The following PTPN9 variants were observed in gnomAD, a reference collection of about 807,000 sequenced individuals.
PTPN9 encodes the protein tyrosine-protein phosphatase non-receptor type 9.
Under a neutral mutation model 69.8 loss-of-function variants are expected in PTPN9, and 26 were observed. That is an observed-to-expected ratio of 0.37 (90% CI 0.27 to 0.52). The LOEUF is 0.52. PTPN9 is among the 20% of genes least tolerant of loss of function. The probability of loss-of-function intolerance (pLI) is 0.91; values close to 1 mark genes in which losing one functional copy is unlikely to be tolerated. For synonymous variants in PTPN9, 274 were observed against 272.5 expected, an observed-to-expected ratio of 1.01 and a Z score of -0.05; for missense variants, 549 against 740.3, an observed-to-expected ratio of 0.74 and a Z score of 3.00.
At chr15:75,547,930 T>G (rs958277620) in intron 1 of PTPN9, among the ~76,000 whole-genome samples, 1 of 152,024 alleles carries the variant, frequency 6.6e-6, no homozygotes, top group African/African-American at 2.4e-5. Context: ...CCTCCCAAAG[T>G]GCTGGGATTA....
chr15:75,491,196 G>A (rs1378808777), intron 7 of PTPN9, among the ~76,000 whole-genome samples: 2 of 151,850 alleles, frequency 1.3e-5, no homozygotes, highest in African/African-American at 2.4e-5. Context: ...TGGGGTCAGG[G>A]GTTCAAGACC....
intron 7 of PTPN9, among the ~76,000 whole-genome samples, chr15:75,495,718 CAACAA>C (rs1272122645): frequency 6.6e-6 from 1 of 151,092 alleles, no homozygotes; most frequent in African/African-American, 2.4e-5. Flanking sequence ...ACAACCACAA[CAACAA>C]AACAAAACAA....
intron 7 of PTPN9, among the ~76,000 whole-genome samples, chr15:75,505,070 G>A (rs2074810789): frequency 6.6e-6 from 1 of 152,230 alleles, no homozygotes; most frequent in Non-Finnish European, 1.5e-5. Context: ...CCGTGTCTGT[G>A]TAGAAAGTAG....
intron 5 of PTPN9, among the ~76,000 whole-genome samples, chr15:75,515,755 G>A (rs539452754): frequency 3.2e-4 from 48 of 152,066 alleles, no homozygotes; most frequent in African/African-American, 9.6e-4. Flanking sequence ...AAAATTGGCC[G>A]GGCGGGGTGG....
chr15:75,470,759 C>G lies in PTPN9; in HGVS notation c.1280G>C (p.Gly427Ala). ...GCCTAGATTGGTCACTGTGAGGAAG[C>G]CAAATCGGATCCGAGAGTCTTTTTC... ...PLEKDSRIRF[G>A]FLTVTNLGVE... Residue 427 changes from glycine to alanine, a missense_variant, in exon 11 of 13, where the codon GGC (glycine) becomes GCC (alanine). Physicochemically the swap from Gly to Ala is moderately conservative, Grantham distance 60. Around this residue, in one of 3 missense-constraint regions of PTPN9, gnomAD observed 457 missense variants for 661.9 expected, o/e 0.69. Transcript: ENST00000618819. 1 of 1,614,220 alleles carries G rather than the reference C, an allele frequency of 6.2e-7. No homozygotes were observed. Among genetic ancestry groups the G allele is most frequent in the South Asian group, 1.1e-5 (1 of 91,090 alleles).
At chr15:75,517,136 G>T (rs1251304324) in intron 5 of PTPN9, 123 bp downstream of exon 5, 2 of 618,134 alleles carry the variant, frequency 3.2e-6, no homozygotes, top group Non-Finnish European at 5.4e-6. Context: ...ATTTACAGAT[G>T]ACCTTTACAT....
chr15:75,494,372 G>A (rs2074728163), intron 7 of PTPN9, among the ~76,000 whole-genome samples: 1 of 151,496 alleles, frequency 6.6e-6, no homozygotes, highest in Non-Finnish European at 1.5e-5. Flanking sequence ...TGCAGGGGGT[G>A]GACAGAGTCT....
chr15:75,563,533 T>C (rs2075113693), intron 1 of PTPN9, among the ~76,000 whole-genome samples: 1 of 152,208 alleles, frequency 6.6e-6, no homozygotes, highest in Non-Finnish European at 1.5e-5. Flanking sequence ...AGCATAATGG[T>C]CTCCAACTCT....
intron 5 of PTPN9, among the ~76,000 whole-genome samples, chr15:75,516,467 C>A (rs1193506509): frequency 6.7e-6 from 1 of 150,116 alleles, no homozygotes; most frequent in Non-Finnish European, 1.5e-5. Flanking sequence ...CCAGGCCCGG[C>A]TAATTTTTTT....
intron 6 of PTPN9, among the ~76,000 whole-genome samples, chr15:75,508,460 C>T (rs1434549105): frequency 1.3e-5 from 2 of 152,100 alleles, no homozygotes; most frequent in South Asian, 2.1e-4. Context: ...AGAGACATAA[C>T]GAAAAACTTT....
chr15:75,473,774 T>A lies in PTPN9; in HGVS notation c.1130-7A>T. ...TAGGTATTCTCCAAAGGACCTGAAA[T>A]AAAAGGAGAAGACAAGAAACATGAC... is the stretch of plus-strand genomic sequence containing the variant. On this transcript the variant is annotated splice_region_variant and splice_polypyrimidine_tract_variant and intron_variant, in intron 9 of 12. Coordinates refer to ENST00000618819, the MANE Select transcript of PTPN9 (RefSeq NM_002833.4). The A allele has an allele frequency of 2.6e-6, 4 of 1,553,100 alleles. No individual in the cohort carries two copies. The highest frequency in any genetic ancestry group is 3.6e-6 in the Non-Finnish European group (4 of 1,125,186).
Position 75,479,885 on chromosome 15 carries a change from A to G in PTPN9, c.1092T>C (p.Asp364=). 6.2e-7 allele frequency: 1 copy of G among 1,611,654 alleles called. No homozygotes were observed. The highest frequency in any genetic ancestry group is 8.5e-7 in the Non-Finnish European group (1 of 1,178,828). ...QTDYINASFM[D]GYKQKNAYIG... is the part of the protein sequence containing the mutation. ...TGTAAGCATTCTTCTGCTTGTAGCC[A>G]TCCATGAAACTGGCATTGATGTAAT... Residue 364 remains aspartate, a synonymous_variant, in exon 9 of 13, where the codon GAT becomes GAC. Transcript: ENST00000618819.
At chr15:75,513,417 A>G (rs1273686263) in intron 5 of PTPN9, 3 of 455,834 alleles carry the variant, frequency 6.6e-6, no homozygotes, top group African/African-American at 4.0e-5. Context: ...GGTTTCTCCA[A>G]ATCAGTAGAA....
At chr15:75,482,564 C>CAAA (rs145653223) in intron 8 of PTPN9, among the ~76,000 whole-genome samples, 191 of 35,422 alleles carry the variant, frequency 5.4e-3, no homozygotes, top group Non-Finnish European at 8.5e-3. Context: ...GACTCCGTCT[C>CAAA]AAAAAAAAAA....
intron 8 of PTPN9, among the ~76,000 whole-genome samples, chr15:75,483,298 A>T (rs2141294763): frequency 6.6e-6 from 1 of 152,368 alleles, no homozygotes; most frequent in Admixed American, 6.5e-5. Flanking sequence ...GTAATAGCCA[A>T]AAATGGAAAC....
chr15:75,508,182 C>A (rs182615116), intron 6 of PTPN9, among the ~76,000 whole-genome samples: 2 of 151,508 alleles, frequency 1.3e-5, no homozygotes, highest in Admixed American at 6.6e-5. Context: ...GACCATAAAT[C>A]TTTTAATCAT....
intron 1 of PTPN9, among the ~76,000 whole-genome samples, chr15:75,528,676 G>A (rs912521020): frequency 1.3e-5 from 2 of 150,360 alleles, no homozygotes; most frequent in African/African-American, 4.9e-5. Flanking sequence ...TTACAGGCAT[G>A]AGCCACTGCC....
intron 1 of PTPN9, among the ~76,000 whole-genome samples, chr15:75,553,730 T>C (rs187563327): frequency 2.0e-5 from 3 of 152,270 alleles, no homozygotes; most frequent in Admixed American, 2.0e-4. Context: ...GCTGCTAATC[T>C]GGCCCTGACC....
rs563208732 is a variant in PTPN9 at position 75,469,861 on chromosome 15, C to T, written c.1498G>A (p.Ala500Thr). The part of the protein sequence containing the change: ...QQSLAVSNMG[A>T]RSKGQCPEPP... ...TCAGGGCACTGCCCTTTGGAGCGTGCTCCCATGTTGCTCACAGCCAGACTC... is the reference window on the plus strand; with the variant it reads ...TCAGGGCACTGCCCTTTGGAGCGTGTTCCCATGTTGCTCACAGCCAGACTC... The change falls in exon 12 of 13, where the codon GCA becomes ACA. Residue 500 changes from alanine to threonine, a missense_variant. By Grantham distance (58) the Ala-to-Thr change is moderately conservative. Coordinates refer to ENST00000618819, the MANE Select transcript of PTPN9 (RefSeq NM_002833.4). 4.8e-5 allele frequency: 77 copies of T among 1,614,046 alleles called. No individual in the cohort carries two copies. Among genetic ancestry groups the T allele is most frequent in the Middle Eastern group, 3.4e-4 (2 of 5,894 alleles).
Sources: allele counts gnomAD v4.1 joint callset (sites outside exome capture counted in the v4.1 genomes callset), GRCh38; gene constraint gnomAD v4.1.1; regional missense constraint gnomAD v4.1.1; transcripts MANE v1.5; gene names NCBI Gene and HGNC (gene_info 2026-07-23, HGNC 2026-07-21).